Variants in ARRDC1 observed in about 807,000 individuals in gnomAD.
ARRDC1 encodes arrestin domain-containing protein 1.
In ARRDC1, 37 loss-of-function variants were observed where a neutral mutation model predicts 40.1. The ratio of observed to expected loss-of-function variants is 0.92; its 90% CI spans 0.71 to 1.21. The LOEUF (loss-of-function observed/expected upper bound fraction) is 1.21. ARRDC1 is among the 50% of genes most tolerant of loss of function. The probability of loss-of-function intolerance (pLI) is 0.00; values close to 1 mark genes in which losing one functional copy is unlikely to be tolerated. For missense variants in ARRDC1, 641 were observed against 581.9 expected (o/e 1.10, Z -1.04); for synonymous variants, 310 against 262.5 (o/e 1.18, Z -1.75).
intron 1 of ARRDC1, among the ~76,000 whole-genome samples, chr9:137,610,875 T>G (rs548828449): frequency 6.6e-6 from 1 of 151,708 alleles, no homozygotes; most frequent in East Asian, 1.9e-4. Flanking sequence ...TTTTGTATTT[T>G]TAGTAGAGAT....
rs770161114 is a variant in ARRDC1 at position 137,613,694 on chromosome 9, T to C, written c.360T>C (p.Phe120=). The C allele has an allele frequency of 1.6e-5, 26 of 1,614,078 alleles. No homozygotes were observed. Among genetic ancestry groups the C allele is most frequent in the Non-Finnish European group, 2.1e-5 (25 of 1,180,044 alleles). Residue 120 remains phenylalanine (F), a synonymous_variant, in exon 4 of 8, where the codon TTT becomes TTC. Transcript: ENST00000371421. The stretch of plus-strand genomic sequence containing the variant: ...GGGCCGCCATCCACACGCCACGGTT[T>C]TCCAAGGATCACAAGTGCAGCCTCG... ...QVRAAIHTPR[F]SKDHKCSLVF...
In ARRDC1 at chr9:137,614,380, C is replaced by T. The variant is rs760230138; in HGVS notation, c.700C>T (p.Arg234Trp). ...GGAGGGTGCGGGCGTCAAGGCCTGG[C>T]GGCGGGCGCAGTGGCACGAGCAGAT... is the stretch of plus-strand genomic sequence containing the variant. ...EVEGAGVKAWRRAQWHEQILV... is the reference protein window; with the variant it reads ...EVEGAGVKAWWRAQWHEQILV... Residue 234 changes from arginine to tryptophan, a missense_variant, in exon 6 of 8, where the codon CGG (arginine) becomes TGG (tryptophan). Transcript: ENST00000371421. 9.9e-6 allele frequency: 16 copies of T among 1,612,910 alleles called. No individual in the cohort carries two copies. Among genetic ancestry groups the T allele is most frequent in the Admixed American group, 8.3e-5 (5 of 59,966 alleles).
rs1174107065 is a variant in ARRDC1 at position 137,614,447 on chromosome 9, G to T, written c.767G>T (p.Ser256Ile). 1.9e-6 allele frequency: 3 copies of T among 1,613,340 alleles called. No individual in the cohort carries two copies. Among genetic ancestry groups the T allele is most frequent in the Non-Finnish European group, 2.5e-6 (3 of 1,179,972 alleles). ...CCCCAGTCGGCCCTGCCGGGCTGCA[G>T]CCTCATCCACATCGACTACTACTTA... is the stretch of plus-strand genomic sequence containing the variant. Reference protein sequence around the residue: ...ALPQSALPGCSLIHIDYYLQV... With the variant: ...ALPQSALPGCILIHIDYYLQV... The change falls in exon 6 of 8, where the codon AGC (serine) becomes ATC (isoleucine). Residue 256 changes from serine to isoleucine, a missense_variant. Physicochemically the swap from Ser to Ile is moderately radical, Grantham distance 142. Coordinates refer to ENST00000371421, the MANE Select transcript of ARRDC1 (RefSeq NM_152285.4).
chr9:137,613,427 G>T, intron 2 of ARRDC1, 33 bp from the exon 3 acceptor site: 1 of 1,603,900 alleles, frequency 6.2e-7, no homozygotes. Context: ...CCTCAGGGGG[G>T]GACTGCCCCC....
chr9:137,608,045 C>T (rs908471920), intron 1 of ARRDC1, among the ~76,000 whole-genome samples: 23 of 152,162 alleles, frequency 1.5e-4, no homozygotes, highest in Non-Finnish European at 2.8e-4. Flanking sequence ...TGTGCCGGCG[C>T]GATCTCGGCT....
At chr9:137,609,171 T>G (rs1842471379) in intron 1 of ARRDC1, among the ~76,000 whole-genome samples, 2 of 152,172 alleles carry the variant, frequency 1.3e-5, no homozygotes, top group Admixed American at 1.3e-4. Context: ...CTCGTACTTG[T>G]CTGCAGTTTG....
At chr9:137,606,099 C>G (rs550442464) in intron 1 of ARRDC1, among the ~76,000 whole-genome samples, 10 of 151,938 alleles carry the variant, frequency 6.6e-5, no homozygotes, top group African/African-American at 2.4e-4. Context: ...ACGCCCTGAG[C>G]GCGGGCGCAC....
chr9:137,613,391 C>T (rs1588989792), intron 2 of ARRDC1, 69 bp from the exon 3 acceptor site: 1 of 1,550,142 alleles, frequency 6.5e-7, no homozygotes, highest in Non-Finnish European at 8.7e-7. Flanking sequence ...CCACTCTTAT[C>T]CTGGCCCTGT....
chr9:137,614,773 A>C lies in ARRDC1; in HGVS notation c.1010A>C (p.Lys337Thr). The C allele has an allele frequency of 6.2e-7, 1 of 1,611,676 alleles. No individual in the cohort carries two copies. Among genetic ancestry groups the C allele is most frequent in the South Asian group, 1.1e-5 (1 of 90,944 alleles). Reference sequence around the variant, plus strand: ...TTGGACCCCGTCTTCCTCTCCACCAAGAGCCATTCGCAGCGGCAGCCCCTG... The same window carrying C: ...TTGGACCCCGTCTTCCTCTCCACCACGAGCCATTCGCAGCGGCAGCCCCTG... ...HFLDPVFLST[K>T]SHSQRQPLLA... Residue 337 changes from lysine (K) to threonine (T), a missense_variant, in exon 7 of 8, where the codon AAG becomes ACG. By Grantham distance (78) the Lys-to-Thr change is moderately conservative. Transcript: ENST00000371421.
chr9:137,605,714 C>T lies in ARRDC1; in HGVS notation c.-4C>T. The T allele has an allele frequency of 7.3e-7, 1 of 1,363,246 alleles. No homozygotes were observed. 84.4% of individuals were successfully genotyped at this position (1,363,246 alleles called of 1,614,324 possible). On this transcript the variant is annotated 5_prime_UTR_variant, in exon 1 of 8. Coordinates refer to ENST00000371421, the MANE Select transcript of ARRDC1 (RefSeq NM_152285.4). ...GCTGCGCGGCTGGCCGGTGAGGCCG[C>T]GGCATGGGGCGAGTGCAGCTCTTCG...
At chr9:137,613,364 C>T in intron 2 of ARRDC1, 96 bp from the exon 3 acceptor site, 1 of 1,360,864 alleles carries the variant, frequency 7.3e-7, no homozygotes, top group Non-Finnish European at 1.0e-6. Flanking sequence ...CCAGTGTGAG[C>T]TGGTCAGCTG....
chr9:137,606,779 G>A (rs890374874), intron 1 of ARRDC1, among the ~76,000 whole-genome samples: 1 of 152,172 alleles, frequency 6.6e-6, no homozygotes, highest in Admixed American at 6.5e-5. Flanking sequence ...GGTCTGGGTG[G>A]GGGCAGGTGT....
Position 137,614,779 on chromosome 9 carries a change from A to G in ARRDC1, c.1016A>G (p.His339Arg), listed in dbSNP as rs745595900. 3.1e-6 allele frequency: 5 copies of G among 1,611,818 alleles called. No individual in the cohort carries two copies. Among genetic ancestry groups the G allele is most frequent in the South Asian group, 2.2e-5 (2 of 90,972 alleles). The change falls in exon 7 of 8, where the codon CAT becomes CGT. Residue 339 changes from histidine (H) to arginine (R), a missense_variant. Transcript: ENST00000371421. Reference sequence around the variant, plus strand: ...CCCGTCTTCCTCTCCACCAAGAGCCATTCGCAGCGGCAGCCCCTGCTGGCC... The same window carrying G: ...CCCGTCTTCCTCTCCACCAAGAGCCGTTCGCAGCGGCAGCCCCTGCTGGCC... ...LDPVFLSTKSHSQRQPLLATL... is the reference protein window; with the variant it reads ...LDPVFLSTKSRSQRQPLLATL...
chr9:137,613,606 T>C lies in ARRDC1; in HGVS notation c.281-9T>C, dbSNP rs1468336920. ...GGCAGCCAGGTACCAGTGCCTGCTC[T>C]CTCCCCAGCCACTGCACCCACGTCC... is the stretch of plus-strand genomic sequence containing the variant. On this transcript the variant is annotated splice_polypyrimidine_tract_variant and intron_variant, in intron 3 of 7. Transcript: ENST00000371421. 13 of 1,614,026 alleles carry C rather than the reference T, an allele frequency of 8.1e-6. No homozygotes were observed. In the East Asian group the frequency reaches 2.9e-4, roughly 36 times the overall value.
At chr9:137,609,779 G>GC (rs1564499638) in intron 1 of ARRDC1, among the ~76,000 whole-genome samples, 1 of 152,034 alleles carries the variant, frequency 6.6e-6, no homozygotes, top group Admixed American at 6.6e-5. Context: ...GCTCGCCTTG[G>GC]CCCCCCAAAG....
rs758677494 is a variant in ARRDC1 at position 137,613,802 on chromosome 9, C to T, written c.435+33C>T. On this transcript the variant is annotated intron_variant, in intron 4 of 7. Coordinates refer to ENST00000371421, the MANE Select transcript of ARRDC1 (RefSeq NM_152285.4). ...TGGCACAGTGACCTCCTTGGTGGGTCCCCACCCTCATGGAGGCTGGGGAAG... is the reference window on the plus strand; with the variant it reads ...TGGCACAGTGACCTCCTTGGTGGGTTCCCACCCTCATGGAGGCTGGGGAAG... 3 of 1,610,420 alleles carry T rather than the reference C, an allele frequency of 1.9e-6. No homozygotes were observed. The Admixed American group carries it at 5.0e-5, about 27-fold the overall frequency.
In ARRDC1 at chr9:137,614,164, G is replaced by A. The variant is rs929513021; in HGVS notation, c.568G>A (p.Glu190Lys). 1 of 1,612,088 alleles carries A rather than the reference G, an allele frequency of 6.2e-7. No homozygotes were observed. Among genetic ancestry groups the A allele is most frequent in the Non-Finnish European group, 8.5e-7 (1 of 1,178,808 alleles). The change falls in exon 5 of 8, where the codon GAG becomes AAG. Residue 190 changes from glutamate (E) to lysine (K), a missense_variant. Glu to Lys is a moderately conservative substitution (Grantham distance 56, BLOSUM62 1). Transcript: ENST00000371421. ...GGCACTGCAGCTGCATGCCGACGTT[G>A]AGAACCAGTCAGGCAAGGACACCAG... ...GQALQLHADVENQSGKDTSPV... is the reference protein window; with the variant it reads ...GQALQLHADVKNQSGKDTSPV...
intron 1 of ARRDC1, among the ~76,000 whole-genome samples, chr9:137,608,246 G>C (rs1001508418): frequency 1.3e-5 from 2 of 152,248 alleles, no homozygotes; most frequent in East Asian, 3.9e-4. Flanking sequence ...CTCCCAAAGT[G>C]CTGGGATTAC....
chr9:137,606,031 C>T (rs1842416855), intron 1 of ARRDC1, among the ~76,000 whole-genome samples, 196 bp downstream of exon 1: 1 of 151,450 alleles, frequency 6.6e-6, no homozygotes, highest in Non-Finnish European at 1.5e-5. Context: ...CCCTTCCTGC[C>T]CTCTCGCCGA....
Sources: allele counts gnomAD v4.1 joint callset (sites outside exome capture counted in the v4.1 genomes callset), GRCh38; gene constraint gnomAD v4.1.1; transcripts MANE v1.5; gene names NCBI Gene and HGNC (gene_info 2026-07-23, HGNC 2026-07-21).